Variants in RNF214 observed in about 807,000 individuals in gnomAD.
The protein encoded by RNF214 is ring finger protein 214.
Under a neutral mutation model 75.9 loss-of-function variants are expected in RNF214, and 25 were observed. The ratio of observed to expected loss-of-function variants is 0.33; its 90% CI spans 0.24 to 0.46. RNF214 has a LOEUF of 0.46. Ranked by LOEUF, RNF214 falls within the 20% of genes least tolerant of loss-of-function variation. The probability of loss-of-function intolerance (pLI) is 1.00; values close to 1 mark genes in which losing one functional copy is unlikely to be tolerated. For missense variants in RNF214, 725 were observed against 857.5 expected, an observed-to-expected ratio of 0.85 and a Z score of 1.93; for synonymous variants, 314 against 308.8, an observed-to-expected ratio of 1.02 and a Z score of -0.18.
chr11:117,279,815 G>A, intron 6 of RNF214, 93 bp from the exon 7 acceptor site: 1 of 777,776 alleles, frequency 1.3e-6, no homozygotes, highest in Non-Finnish European at 2.1e-6. Context: ...TAACATACTT[G>A]GCTGACCAAT....
At chr11:117,284,501 G>C (rs866057859) in intron 14 of RNF214, among the ~76,000 whole-genome samples, 8 of 152,284 alleles carry the variant, frequency 5.3e-5, no homozygotes, top group Middle Eastern at 3.4e-3. Flanking sequence ...TGGATCCTAA[G>C]GGGGAGCAAG....
At chr11:117,258,313 C>T (rs1234380273) in intron 6 of RNF214, among the ~76,000 whole-genome samples, 1 of 152,078 alleles carries the variant, frequency 6.6e-6, no homozygotes, top group East Asian at 1.9e-4. Flanking sequence ...ATGATCCACC[C>T]ACTCGGCCTC....
At position 117,264,397 on chromosome 11, in the gene RNF214, A is replaced by C. The variant is rs545265780; in HGVS notation, c.960-15511A>C. Among the ~76,000 whole-genome samples the C allele has an allele frequency of 2.0e-5, 3 of 152,272 alleles. No homozygotes were observed. The South Asian group carries it at 6.2e-4, about 32-fold the overall frequency. ...GGAAAGTTTTCAGAGCTATTCCTATATCTGCAGTTTCTCAATATACTCATC... is the reference window on the plus strand; with the variant it reads ...GGAAAGTTTTCAGAGCTATTCCTATCTCTGCAGTTTCTCAATATACTCATC... On this transcript the variant is annotated intron_variant, in intron 6 of 14. Transcript: ENST00000300650.
At chr11:117,275,935 AAAAG>A (rs1232361681) in intron 6 of RNF214, among the ~76,000 whole-genome samples, 3 of 152,176 alleles carry the variant, frequency 2.0e-5, no homozygotes, top group Admixed American at 6.5e-5. Flanking sequence ...ACACAACAAA[AAAAG>A]AAAACTGCAG....
intron 8 of RNF214, among the ~76,000 whole-genome samples, chr11:117,280,476 T>C (rs545270117): frequency 6.6e-6 from 1 of 152,252 alleles, no homozygotes; most frequent in Admixed American, 6.5e-5. Flanking sequence ...TTTTATAGTT[T>C]TGCATTTTTT....
chr11:117,234,973 GATAAAAA>G lies in RNF214; in HGVS notation c.107+600_107+606del, dbSNP rs1565326176. ...CCACCCTACTTAAAGCTATTAAAAA[GATAAAAA>G]ATAAATAAAGTGGTGTAGTATTTGC... is the stretch of plus-strand genomic sequence containing the variant. On this transcript the variant is annotated intron_variant, in intron 2 of 14. Transcript: ENST00000300650. Among the ~76,000 whole-genome samples the G allele has an allele frequency of 2.8e-4, 43 of 152,174 alleles. No individual in the cohort carries two copies. In the South Asian group the frequency reaches 8.7e-3, roughly 31 times the overall value.
chr11:117,263,286 C>T (rs12295514), intron 6 of RNF214, among the ~76,000 whole-genome samples: 60 of 135,758 alleles, frequency 4.4e-4, no homozygotes, highest in Non-Finnish European at 5.9e-4. Flanking sequence ...GAAAAAAAAA[C>T]TTTTTTTTTT....
At chr11:117,257,910 T>A (rs1342595006) in intron 6 of RNF214, among the ~76,000 whole-genome samples, 1 of 152,126 alleles carries the variant, frequency 6.6e-6, no homozygotes, top group Non-Finnish European at 1.5e-5. Context: ...ATTACTGGAT[T>A]TACTTCTCCC....
intron 6 of RNF214, among the ~76,000 whole-genome samples, chr11:117,274,296 A>G (rs1026481161): frequency 4.0e-4 from 60 of 151,184 alleles, no homozygotes; most frequent in African/African-American, 7.3e-5. Context: ...CCAATATGCT[A>G]TCTTACTAGA....
intron 14 of RNF214, among the ~76,000 whole-genome samples, chr11:117,283,724 G>A (rs1011846417): frequency 2.6e-5 from 4 of 152,154 alleles, no homozygotes; most frequent in African/African-American, 4.8e-5. Flanking sequence ...GCAGTGGCAC[G>A]ATTATAGCTC....
Position 117,251,418 on chromosome 11 carries a change from CTGGCGGGGGGCTG to C in RNF214, c.959+4471_959+4483del, listed in dbSNP as rs1591824565. On this transcript the variant is annotated intron_variant, in intron 6 of 14. Transcript: ENST00000300650. ...CTCCCTCCCGGACGGGGCGGCTGGC[CTGGCGGGGGGCTG>C]ACCCCCCCACCTCCCTCCCGGACGG... Among the ~76,000 whole-genome samples the C allele has an allele frequency of 6.8e-5, 10 of 146,442 alleles. No individual in the cohort carries two copies. In the East Asian group the frequency reaches 2.1e-3, roughly 31 times the overall value.
Position 117,273,749 on chromosome 11 carries a change from C to T in RNF214, c.960-6159C>T, listed in dbSNP as rs530394033. 8.6e-5 allele frequency among the ~76,000 whole-genome samples: 13 copies of T among 151,992 alleles called. No homozygotes were observed. The South Asian group carries it at 1.0e-3, about 12-fold the overall frequency. ...TAAGGGGATTGTGGAAGGTAAGGGG[C>T]GGGAAAATTGAGGTCGTTGATTGGT... is the stretch of plus-strand genomic sequence containing the variant. On this transcript the variant is annotated intron_variant, in intron 6 of 14. Coordinates refer to ENST00000300650, the MANE Select transcript of RNF214 (RefSeq NM_207343.4).
intron 4 of RNF214, among the ~76,000 whole-genome samples, chr11:117,243,147 A>AATTTATTT (rs199909646): frequency 4.0e-5 from 6 of 150,334 alleles, no homozygotes; most frequent in Non-Finnish European, 7.4e-5. Context: ...TTAATTAATT[A>AATTTATTT]ATTTATTTAT....
intron 6 of RNF214, among the ~76,000 whole-genome samples, chr11:117,272,258 A>C (rs2033927413): frequency 6.6e-6 from 1 of 152,154 alleles, no homozygotes; most frequent in African/African-American, 2.4e-5. Flanking sequence ...ACCTTGAGCC[A>C]CCTTGCCTGG....
chr11:117,240,133 G>A (rs571073145), intron 4 of RNF214, among the ~76,000 whole-genome samples: 10 of 151,284 alleles, frequency 6.6e-5, no homozygotes, highest in South Asian at 2.1e-4. Context: ...TGGGTGGATC[G>A]CTTGAGCCCT....
intron 10 of RNF214, 37 bp downstream of exon 10, chr11:117,281,735 G>C: frequency 6.4e-7 from 1 of 1,556,140 alleles, no homozygotes; most frequent in Non-Finnish European, 8.9e-7. Flanking sequence ...TCACCTTTCT[G>C]TGTTGGTAGC....
chr11:117,238,599 A>G lies in RNF214; in HGVS notation c.108-2A>G. On this transcript the variant is annotated splice_acceptor_variant, in intron 2 of 14. Transcript: ENST00000300650. LOFTEE classifies it high-confidence loss of function. ...TTTCTTTTTATCTTGTGTGTTTGATAGCACCAAAGACTCTGCACAGAAGCA... is the reference window on the plus strand; with the variant it reads ...TTTCTTTTTATCTTGTGTGTTTGATGGCACCAAAGACTCTGCACAGAAGCA... 1 of 1,600,560 alleles carries G rather than the reference A, an allele frequency of 6.2e-7. No individual in the cohort carries two copies. The highest frequency in any genetic ancestry group is 8.5e-7 in the Non-Finnish European group (1 of 1,173,380).
intron 14 of RNF214, among the ~76,000 whole-genome samples, 189 bp from the exon 15 acceptor site, chr11:117,284,897 G>A (rs887555849): frequency 6.6e-6 from 1 of 152,108 alleles, no homozygotes; most frequent in Non-Finnish European, 1.5e-5. Context: ...ACCACTGCAC[G>A]CCAGCCTGGG....
At position 117,282,388 on chromosome 11, in the gene RNF214, C is replaced by A; in HGVS notation, c.1713-16C>A. 1 of 1,612,754 alleles carries A rather than the reference C, an allele frequency of 6.2e-7. No individual in the cohort carries two copies. On this transcript the variant is annotated splice_polypyrimidine_tract_variant and intron_variant, in intron 11 of 14. Transcript: ENST00000300650. Reference sequence around the variant, plus strand: ...ATAGCATAGGCTTTCTCTCCCTCAACATTTTTTTTCCTCAGGGCCCAGATG... The same window carrying A: ...ATAGCATAGGCTTTCTCTCCCTCAAAATTTTTTTTCCTCAGGGCCCAGATG...
Sources: allele counts gnomAD v4.1 joint callset (sites outside exome capture counted in the v4.1 genomes callset), GRCh38; gene constraint gnomAD v4.1.1; transcripts MANE v1.5; gene names NCBI Gene and HGNC (gene_info 2026-07-23, HGNC 2026-07-21).